POLR2F: variants seen among roughly 807,000 people sequenced by gnomAD.
POLR2F encodes RNA polymerase II, I and III subunit F.
In POLR2F, 12 loss-of-function variants were observed where a neutral mutation model predicts 22.7. That is an observed-to-expected ratio of 0.53 (90% CI 0.34 to 0.86). POLR2F has a LOEUF of 0.86. Among genes scored for constraint, POLR2F ranks in the 40% least tolerant of loss-of-function variants. The pLI, the probability that POLR2F is intolerant of heterozygous loss-of-function variation, is 0.02. For missense variants in POLR2F, 126 were observed against 171.5 expected, an observed-to-expected ratio of 0.73 and a Z score of 1.48; for synonymous variants, 57 against 66.0, an observed-to-expected ratio of 0.86 and a Z score of 0.66.
downstream of POLR2F, chr22:37,974,115 G>T (rs1307950608): frequency 1.2e-5 from 19 of 1,613,192 alleles, no homozygotes; most frequent in Non-Finnish European, 1.6e-5. The surrounding 1 kb of genome is among the most constrained non-coding windows in gnomAD (Gnocchi z 5.4). Flanking sequence ...CCCATGGAGC[G>T]CCCGTCCCGC....
intron 4 of POLR2F, among the ~76,000 whole-genome samples, chr22:37,975,778 C>A (rs1048207461): frequency 4.6e-5 from 7 of 152,122 alleles, no homozygotes; most frequent in African/African-American, 1.7e-4. Context: ...TTGTACCAAG[C>A]AGCCCAGGCA....
intron 1 of POLR2F, chr22:37,987,980 T>C (rs1056611207): frequency 6.6e-6 from 1 of 152,360 alleles, no homozygotes; most frequent in African/African-American, 2.4e-5. Context: ...TGCCTAGGAC[T>C]GGCTCTAATT....
At chr22:38,040,017 T>C (rs571549625) in intron 5 of POLR2F, among the ~76,000 whole-genome samples, 1 of 152,166 alleles carries the variant, frequency 6.6e-6, no homozygotes, top group African/African-American at 2.4e-5. Flanking sequence ...CTCACACCTG[T>C]AGTCCCAGCA....
downstream of POLR2F, among the ~76,000 whole-genome samples, chr22:38,029,514 G>A (rs2085046166): frequency 6.6e-6 from 1 of 152,200 alleles, no homozygotes; most frequent in African/African-American, 2.4e-5. Flanking sequence ...GGGCAAGGGG[G>A]TAATGGAGGA....
At chr22:38,032,687 C>A (rs1216375584) in intron 5 of POLR2F, 8 of 152,304 alleles carry the variant, frequency 5.3e-5, no homozygotes. Context: ...CTGTAGGAAC[C>A]AACGTGGGGT....
In POLR2F at chr22:37,962,553, G is replaced by A. The variant is rs189318518; in HGVS notation, c.221+3077G>A. Among the ~76,000 whole-genome samples the A allele has an allele frequency of 1.4e-4, 22 of 152,278 alleles. No individual in the cohort carries two copies. The East Asian group carries it at 3.3e-3, about 23-fold the overall frequency. On this transcript the variant is annotated intron_variant, in intron 3 of 4. Coordinates refer to ENST00000442738, the MANE Select transcript of POLR2F (RefSeq NM_021974.5). ...CAGCCATACCCAATATGCCACCAACGTCAGGATCCTCTGGGCCTGCACCAT... is the reference window on the plus strand; with the variant it reads ...CAGCCATACCCAATATGCCACCAACATCAGGATCCTCTGGGCCTGCACCAT...
intron 1 of POLR2F, among the ~76,000 whole-genome samples, chr22:38,005,482 A>G (rs1188007368): frequency 6.6e-6 from 1 of 152,214 alleles, no homozygotes; most frequent in Non-Finnish European, 1.5e-5. Context: ...CTCAGGGGTG[A>G]TGGAACCCTA....
chr22:37,956,991 T>C, intron 2 of POLR2F, 149 bp downstream of exon 2: 1 of 710,906 alleles, frequency 1.4e-6, no homozygotes, highest in Non-Finnish European at 2.6e-6. Flanking sequence ...TGTTCCAGTC[T>C]TGCATAGCAG....
intron 1 of POLR2F, chr22:37,987,364 C>T (rs1932613005): frequency 4.5e-6 from 2 of 447,938 alleles, no homozygotes; most frequent in Non-Finnish European, 9.0e-6. Context: ...AAACGTGAAG[C>T]CCACTGATGA....
chr22:38,029,275 A>G (rs138981334), downstream of POLR2F, among the ~76,000 whole-genome samples: 289 of 152,350 alleles, frequency 1.9e-3, 11 homozygotes, highest in South Asian at 0.043. Flanking sequence ...TGGCTTATCC[A>G]GAGGGGAAAA....
intron 3 of POLR2F, among the ~76,000 whole-genome samples, chr22:37,959,890 G>A (rs1224572132): frequency 1.3e-5 from 2 of 149,574 alleles, no homozygotes; most frequent in African/African-American, 4.9e-5. Flanking sequence ...TGCAACCTCT[G>A]CCTCCCAGGT....
Position 37,980,475 on chromosome 22 carries a change from T to C in POLR2F, c.293+13305T>C, listed in dbSNP as rs1444560642. Among the ~76,000 whole-genome samples, 1 of 152,092 alleles carries C rather than the reference T, an allele frequency of 6.6e-6. No individual in the cohort carries two copies. The highest frequency in any genetic ancestry group is 1.5e-5 in the Non-Finnish European group (1 of 68,016). On this transcript the variant is annotated intron_variant, in intron 4 of 4. Transcript: ENST00000405557. The surrounding 1 kb of genome is among the most constrained non-coding windows in gnomAD (Gnocchi z 4.1). ...TACCTCCTAAGCTAGTTCCCAGCAT[T>C]AGCCTAACCCTGACAGAAATCTAAG...
chr22:38,026,678 A>T (rs1414319116), exon 3 of POLR2F: 2 of 256,990 alleles, frequency 7.8e-6, no homozygotes, highest in Non-Finnish European at 1.5e-5. Context: ...CTAATTTGCC[A>T]TGCATAAGTG....
At chr22:37,965,130 C>T (rs574868255) in intron 3 of POLR2F, among the ~76,000 whole-genome samples, 16 of 152,082 alleles carry the variant, frequency 1.1e-4, no homozygotes, top group African/African-American at 2.7e-4. Flanking sequence ...CTCAGCCTCT[C>T]GAGTATCTGG....
chr22:37,986,198 T>C lies in POLR2F; in HGVS notation c.8T>C (p.Met3Thr), dbSNP rs1294061377. ...CCGCCCGGAGAGGAGCCGCCCTGGATGGACAGAGGGACGAGGGACGAGCAT... is the reference window on the plus strand; with the variant it reads ...CCGCCCGGAGAGGAGCCGCCCTGGACGGACAGAGGGACGAGGGACGAGCAT... Residue 3 changes from methionine (M) to threonine (T), a missense_variant, in exon 1 of 3, where the codon ATG becomes ACG. Met to Thr is a moderately conservative substitution (Grantham distance 81). Transcript: ENST00000333418. This position sits in a 1 kb window ranked among gnomAD's most constrained non-coding sequence, Gnocchi z 4.7. 6.5e-7 allele frequency: 1 copy of C among 1,542,908 alleles called. No homozygotes were observed. Among genetic ancestry groups the C allele is most frequent in the African/African-American group, 1.4e-5 (1 of 73,052 alleles).
intron 1 of POLR2F, among the ~76,000 whole-genome samples, chr22:38,021,296 A>G (rs1411118833): frequency 6.6e-6 from 1 of 152,074 alleles, no homozygotes; most frequent in Middle Eastern, 3.2e-3. Context: ...GCTGGTAGAG[A>G]GGGAACTTGG....
chr22:38,003,174 TCTAG>T (rs1342490599), intron 1 of POLR2F, among the ~76,000 whole-genome samples: 1 of 151,940 alleles, frequency 6.6e-6, no homozygotes, highest in African/African-American at 2.4e-5. Flanking sequence ...TTAGGGTAAC[TCTAG>T]AAAGTTTGGT....
chr22:37,978,089 G>T lies in POLR2F; in HGVS notation c.293+10919G>T. On this transcript the variant is annotated intron_variant, in intron 4 of 4. Transcript: ENST00000405557. This position sits in a 1 kb window ranked among gnomAD's most constrained non-coding sequence, Gnocchi z 5.0. The stretch of plus-strand genomic sequence containing the variant: ...TCTTTCTTGTGCTGCATACGGAGCC[G>T]CTCAGCCTCCTCGATGAAGGGGCGC... The T allele has an allele frequency of 1.9e-6, 3 of 1,595,506 alleles. No individual in the cohort carries two copies. Among genetic ancestry groups the T allele is most frequent in the African/African-American group, 2.7e-5 (2 of 74,694 alleles).
At chr22:38,010,456 A>T (rs2084861206) in intron 1 of POLR2F, among the ~76,000 whole-genome samples, 1 of 152,106 alleles carries the variant, frequency 6.6e-6, no homozygotes, top group African/African-American at 2.4e-5. Context: ...TTTCCAAATT[A>T]GCTGTACCAT....
Sources: gnomAD v4.1 joint callset for allele counts (sites outside exome capture counted in the v4.1 genomes callset) on GRCh38, gnomAD v4.1.1 for gene constraint, Gnocchi (gnomAD v3.1) non-coding constraint, MANE v1.5 for transcripts, NCBI Gene and HGNC (gene_info 2026-07-23, HGNC 2026-07-21) for gene names.